SND1: variants seen among roughly 807,000 people sequenced by gnomAD.
SND1 encodes the protein staphylococcal nuclease domain-containing protein 1.
A neutral mutation model predicts 121.7 loss-of-function variants in SND1; 38 were observed. The observed-to-expected ratio is 0.31, with a 90% confidence interval of 0.24 to 0.41. The LOEUF (loss-of-function observed/expected upper bound fraction) is 0.41, where lower values mean the gene tolerates loss of function less well. Ranked by LOEUF, SND1 falls within the 10% of genes least tolerant of loss-of-function variation. The probability of loss-of-function intolerance (pLI) is 1.00; values close to 1 mark genes in which losing one functional copy is unlikely to be tolerated. For synonymous variants in SND1, 401 were observed against 447.4 expected, an observed-to-expected ratio of 0.90 and a Z score of 1.31; for missense variants, 868 against 1,184.6, an observed-to-expected ratio of 0.73 and a Z score of 3.92.
rs1469483087 is a variant in SND1, at chr7:128,074,695, A to G, written c.1968+5A>G. The G allele has an allele frequency of 6.9e-6, 11 of 1,605,626 alleles. No homozygotes were observed. The highest frequency in any genetic ancestry group is 4.4e-5 in the South Asian group (4 of 89,950). On this transcript the variant is annotated splice_donor_5th_base_variant and intron_variant, in intron 17 of 23. Coordinates refer to ENST00000354725, the MANE Select transcript of SND1 (RefSeq NM_014390.4). ...GCAAAGCAGAAGAAAGAGAAGGTAC[A>G]TGTGGCAGCCCAGCTGTGCTCTCCC...
chr7:127,839,747 C>G lies in SND1; in HGVS notation c.1243-4577C>G, dbSNP rs114553887. Among the ~76,000 whole-genome samples, 1,193 of 152,250 alleles carry G rather than the reference C, an allele frequency of 7.8e-3. 18 individuals carry two copies. Among genetic ancestry groups the G allele is most frequent in the African/African-American group, 0.027 (1,115 of 41,540 alleles). ...TAATAGACGAAGGTTGCCTGCTACC[C>G]TCTTACCTTTGAGAACCTCTTTGAG... is the stretch of plus-strand genomic sequence containing the variant. On this transcript the variant is annotated intron_variant, in intron 11 of 23. Coordinates refer to ENST00000354725, the MANE Select transcript of SND1 (RefSeq NM_014390.4).
intron 15 of SND1, among the ~76,000 whole-genome samples, chr7:127,986,717 T>G (rs2116910155): frequency 6.6e-6 from 1 of 152,344 alleles, no homozygotes; most frequent in Non-Finnish European, 1.5e-5. Flanking sequence ...CTGTAGAGTT[T>G]GAAAGAGGTC....
intron 16 of SND1, among the ~76,000 whole-genome samples, chr7:128,061,407 G>GGT (rs1793229085): frequency 6.6e-6 from 1 of 152,230 alleles, no homozygotes; most frequent in Non-Finnish European, 1.5e-5. Flanking sequence ...CTGGGCAGTG[G>GGT]GTAAAGTGGA....
In SND1 at chr7:128,089,548, C is replaced by T. The variant is rs750224581; in HGVS notation, c.2478C>T (p.Cys826=). 5 of 1,614,130 alleles carry T rather than the reference C, an allele frequency of 3.1e-6. No individual in the cohort carries two copies. In the Admixed American group the frequency reaches 5.0e-5, roughly 16 times the overall value. ...SVVRDIQNTQ[C]LLNVEHLSAG... ...TTCGGGATATCCAGAACACTCAGTG[C>T]CTGCTCAACGTGGAACACCTGAGTG... The change falls in exon 22 of 24, where the codon TGC becomes TGT. Residue 826 remains cysteine (C), a synonymous_variant. Transcript: ENST00000354725.
chr7:127,818,195 A>G (rs1048277251), intron 11 of SND1, among the ~76,000 whole-genome samples: 1 of 152,186 alleles, frequency 6.6e-6, no homozygotes, highest in African/African-American at 2.4e-5. Flanking sequence ...CCTTAAAAAT[A>G]GGTTGGATAA....
chr7:128,043,920 A>G lies in SND1; in HGVS notation c.1780-30582A>G, dbSNP rs145173896. ...AAACGTTGCAACACTTAGAGTGTCT[A>G]TTAAATAAGACAATGTAACCAAACA... On this transcript the variant is annotated intron_variant, in intron 16 of 23. Coordinates refer to ENST00000354725, the MANE Select transcript of SND1 (RefSeq NM_014390.4). 2.5e-3 allele frequency among the ~76,000 whole-genome samples: 374 copies of G among 152,078 alleles called. 1 individual carries two copies. Among genetic ancestry groups the G allele is most frequent in the African/African-American group, 8.5e-3 (354 of 41,490 alleles).
Position 127,983,361 on chromosome 7 carries a change from A to AGG in SND1, c.1670-7583_1670-7582dup, listed in dbSNP as rs777234106. 7.2e-5 allele frequency among the ~76,000 whole-genome samples: 11 copies of AGG among 152,310 alleles called. No homozygotes were observed. The East Asian group carries it at 2.1e-3, about 29-fold the overall frequency. ...GTGTCTTGTCCTTGACAATGACTCC[A>AGG]GGGGACCAAGTGCAGTCTATAGAAA... On this transcript the variant is annotated intron_variant, in intron 15 of 23. Transcript: ENST00000354725.
chr7:128,040,860 T>G (rs1792842962), intron 16 of SND1, among the ~76,000 whole-genome samples: 2 of 152,252 alleles, frequency 1.3e-5, no homozygotes, highest in Admixed American at 1.3e-4. Context: ...AACATCAGCA[T>G]CTGTGGCCAT....
At chr7:127,674,162 G>C (rs989847706) in intron 1 of SND1, among the ~76,000 whole-genome samples, 5 of 149,816 alleles carry the variant, frequency 3.3e-5, no homozygotes, top group African/African-American at 1.2e-4. Flanking sequence ...CCCTCCTTCC[G>C]TCCCCACTTG....
At chr7:127,666,272 G>A (rs58451280) in intron 1 of SND1, among the ~76,000 whole-genome samples, 9,905 of 152,190 alleles carry the variant, frequency 0.065, 412 homozygotes, top group Middle Eastern at 0.19. Context: ...CTGCTAGCCC[G>A]GACTGCTTGG....
chr7:128,061,120 G>T (rs957404715), intron 16 of SND1, among the ~76,000 whole-genome samples: 7 of 152,180 alleles, frequency 4.6e-5, no homozygotes, highest in African/African-American at 1.7e-4. Flanking sequence ...AGGGCTGAGG[G>T]ACTACCCGCT....
chr7:128,038,707 T>G (rs1044009303), intron 16 of SND1, among the ~76,000 whole-genome samples: 21 of 151,844 alleles, frequency 1.4e-4, no homozygotes, highest in Admixed American at 1.3e-4. Context: ...TTTGAGGTAA[T>G]TTTAGACTTA....
chr7:127,857,211 G>C (rs1389239500), intron 12 of SND1, among the ~76,000 whole-genome samples: 1 of 2,716 alleles, frequency 3.7e-4, no homozygotes, highest in East Asian at 5.8e-3. Context: ...TTTTTTTTTT[G>C]AGATGGAGTC....
At chr7:127,964,734 G>A (rs1801817398) in intron 15 of SND1, among the ~76,000 whole-genome samples, 1 of 144,700 alleles carries the variant, frequency 6.9e-6, no homozygotes, top group Admixed American at 6.9e-5. Context: ...ACTTGGCTAT[G>A]CGGGCTGTTT....
intron 12 of SND1, among the ~76,000 whole-genome samples, chr7:127,851,042 A>G (rs1389296274): frequency 6.6e-6 from 1 of 152,174 alleles, no homozygotes; most frequent in Non-Finnish European, 1.5e-5. Flanking sequence ...ATCTATGGCA[A>G]CCTCATACTG....
intron 14 of SND1, among the ~76,000 whole-genome samples, chr7:127,906,103 T>C (rs1217831536): frequency 1.3e-5 from 2 of 152,170 alleles, no homozygotes; most frequent in Non-Finnish European, 2.9e-5. Context: ...TTTCTTTCTC[T>C]ATAACCAGTC....
At chr7:127,995,789 A>G (rs902468487) in intron 16 of SND1, among the ~76,000 whole-genome samples, 1 of 152,208 alleles carries the variant, frequency 6.6e-6, no homozygotes, top group African/African-American at 2.4e-5. Flanking sequence ...GCCATAAGGT[A>G]TTATTTAAAG....
At chr7:127,901,874 A>G (rs182434727) in intron 13 of SND1, among the ~76,000 whole-genome samples, 43 of 152,344 alleles carry the variant, frequency 2.8e-4, no homozygotes, top group Admixed American at 1.6e-3. Flanking sequence ...ATCTGATAAT[A>G]TGCTTTTTAG....
chr7:127,736,802 A>T (rs1185028473), intron 10 of SND1, among the ~76,000 whole-genome samples: 1 of 152,132 alleles, frequency 6.6e-6, no homozygotes, highest in East Asian at 1.9e-4. Flanking sequence ...TAAAGGGTAG[A>T]GTGGATAGGT....
Sources: gnomAD v4.1 joint callset for allele counts (sites outside exome capture counted in the v4.1 genomes callset) on GRCh38, gnomAD v4.1.1 for gene constraint, MANE v1.5 for transcripts, NCBI Gene and HGNC (gene_info 2026-07-23, HGNC 2026-07-21) for gene names.